The following KCNH8 variants were observed in gnomAD, a reference collection of about 807,000 sequenced individuals.
The protein encoded by KCNH8 is potassium voltage-gated channel subfamily H member 8, also known as voltage-gated delayed rectifier potassium channel KCNH8.
In KCNH8, 70 loss-of-function variants were observed where a neutral mutation model predicts 103.6. That is an observed-to-expected ratio of 0.68 (90% confidence interval 0.56 to 0.82). KCNH8 has a LOEUF of 0.82. Among genes scored for constraint, KCNH8 ranks in the 40% least tolerant of loss-of-function variants. The probability of loss-of-function intolerance (pLI) is 0.00; values close to 1 mark genes in which losing one functional copy is unlikely to be tolerated. For missense variants in KCNH8, 1,217 were observed against 1,329.9 expected, an observed-to-expected ratio of 0.92 and a Z score of 1.32; for synonymous variants, 498 against 489.4, an observed-to-expected ratio of 1.02 and a Z score of -0.23.
At chr3:19,204,450 G>T (rs932526578) in intron 1 of KCNH8, among the ~76,000 whole-genome samples, 1 of 151,952 alleles carries the variant, frequency 6.6e-6, no homozygotes, top group African/African-American at 2.4e-5. Flanking sequence ...GTGTCTGTGT[G>T]TGTGTGTTCT....
chr3:19,236,469 A>C (rs1575458233), intron 1 of KCNH8, among the ~76,000 whole-genome samples: 2 of 152,364 alleles, frequency 1.3e-5, no homozygotes, highest in Admixed American at 1.3e-4. Flanking sequence ...GGAAGTAAGA[A>C]GGAAAACCCT....
intron 1 of KCNH8, among the ~76,000 whole-genome samples, chr3:19,207,480 C>T (rs2063729119): frequency 1.3e-5 from 2 of 151,850 alleles, no homozygotes; most frequent in South Asian, 4.2e-4. Flanking sequence ...TAAAGTGGAT[C>T]TGTGGGCCTA....
At chr3:19,422,984 A>G (rs1324311876) in intron 7 of KCNH8, among the ~76,000 whole-genome samples, 1 of 152,142 alleles carries the variant, frequency 6.6e-6, no homozygotes, top group Non-Finnish European at 1.5e-5. Flanking sequence ...GAATTTTGCA[A>G]TATTCTGAAA....
At chr3:19,348,671 T>A (rs2065759970) in intron 5 of KCNH8, among the ~76,000 whole-genome samples, 2 of 152,042 alleles carry the variant, frequency 1.3e-5, no homozygotes, top group Admixed American at 1.3e-4. Flanking sequence ...AAGTCACAGA[T>A]TGACTCCCTG....
At chr3:19,211,093 C>T (rs1028112537) in intron 1 of KCNH8, among the ~76,000 whole-genome samples, 6 of 152,050 alleles carry the variant, frequency 3.9e-5, no homozygotes, top group Admixed American at 1.3e-4. Context: ...TTTCTACATA[C>T]GTTTATGCTT....
chr3:19,337,759 C>T (rs2065603308), intron 3 of KCNH8, among the ~76,000 whole-genome samples: 1 of 152,036 alleles, frequency 6.6e-6, no homozygotes, highest in African/African-American at 2.4e-5. Context: ...AAAACAGGCT[C>T]CTGAGTAATC....
intron 3 of KCNH8, among the ~76,000 whole-genome samples, chr3:19,290,843 T>C (rs2064910234): frequency 6.6e-6 from 1 of 152,220 alleles, no homozygotes; most frequent in East Asian, 1.9e-4. Flanking sequence ...TCTTTGTACC[T>C]GTGGTAGAAT....
At chr3:19,272,452 G>A (rs1392119750) in intron 2 of KCNH8, among the ~76,000 whole-genome samples, 1 of 152,112 alleles carries the variant, frequency 6.6e-6, no homozygotes, top group East Asian at 1.9e-4. Flanking sequence ...ATCAGCCAAA[G>A]TTTTCATGGG....
intron 7 of KCNH8, among the ~76,000 whole-genome samples, chr3:19,412,905 A>T (rs935313550): frequency 1.3e-5 from 2 of 151,916 alleles, no homozygotes; most frequent in African/African-American, 4.8e-5. Context: ...AGAAAAAGGA[A>T]CACGTTGGTG....
Position 19,183,503 on chromosome 3 carries a change from A to G in KCNH8, c.76+34708A>G, listed in dbSNP as rs80345090. On this transcript the variant is annotated intron_variant, in intron 1 of 15. Coordinates refer to ENST00000328405, the MANE Select transcript of KCNH8 (RefSeq NM_144633.3). The stretch of plus-strand genomic sequence containing the variant: ...ATAAAAACTGATATAGGGGAGAGTT[A>G]ACATTACAGATGAGTTGGGAAAAGA... Among the ~76,000 whole-genome samples the G allele has an allele frequency of 5.7e-3, 868 of 152,326 alleles. 12 individuals carry two copies. Among genetic ancestry groups the G allele is most frequent in the African/African-American group, 0.019 (782 of 41,580 alleles).
intron 11 of KCNH8, among the ~76,000 whole-genome samples, chr3:19,509,991 G>A (rs931526178): frequency 2.6e-5 from 2 of 76,870 alleles, no homozygotes; most frequent in Non-Finnish European, 4.7e-5. Context: ...AGAAGAATAG[G>A]GAGATAGAGG....
At chr3:19,451,022 A>G (rs2067439293) in intron 9 of KCNH8, 133 bp from the exon 10 acceptor site, 4 of 791,138 alleles carry the variant, frequency 5.1e-6, no homozygotes, top group Non-Finnish European at 8.4e-6. Flanking sequence ...ATACATACTT[A>G]GATTTCCTCT....
intron 11 of KCNH8, among the ~76,000 whole-genome samples, chr3:19,475,176 G>A: frequency 6.6e-6 from 1 of 152,092 alleles, no homozygotes; most frequent in African/African-American, 2.4e-5. Flanking sequence ...CTTCCAATGG[G>A]GTCACTTGTC....
At chr3:19,213,871 A>G (rs1345419620) in intron 1 of KCNH8, among the ~76,000 whole-genome samples, 2 of 152,192 alleles carry the variant, frequency 1.3e-5, no homozygotes, top group African/African-American at 2.4e-5. Flanking sequence ...AGTCTACTCC[A>G]GTATCAAGGT....
intron 11 of KCNH8, among the ~76,000 whole-genome samples, chr3:19,461,922 C>T (rs908754959): frequency 5.9e-5 from 9 of 151,936 alleles, no homozygotes; most frequent in Non-Finnish European, 1.2e-4. Context: ...ATAGTTTGCT[C>T]AGAATGATGG....
intron 3 of KCNH8, among the ~76,000 whole-genome samples, chr3:19,333,434 G>T (rs2065538765): frequency 6.6e-6 from 1 of 152,144 alleles, no homozygotes; most frequent in Non-Finnish European, 1.5e-5. Context: ...ATACAAAGCT[G>T]ACCAAATGTA....
chr3:19,350,321 T>A (rs2065782910), intron 5 of KCNH8, among the ~76,000 whole-genome samples: 2 of 152,072 alleles, frequency 1.3e-5, no homozygotes, highest in Admixed American at 6.6e-5. Flanking sequence ...TACCATTTAA[T>A]ATTTATTAAA....
At chr3:19,498,908 G>C (rs939991161) in intron 11 of KCNH8, among the ~76,000 whole-genome samples, 2 of 152,124 alleles carry the variant, frequency 1.3e-5, no homozygotes, top group African/African-American at 2.4e-5. Context: ...TCAGGGGTCA[G>C]GGACCCACTT....
At chr3:19,189,172 G>T (rs550281235) in intron 1 of KCNH8, among the ~76,000 whole-genome samples, 115 of 152,098 alleles carry the variant, frequency 7.6e-4, no homozygotes, top group Admixed American at 1.4e-3. Flanking sequence ...TCTCTGACAG[G>T]CCAGAAAGGT....
Sources: allele counts gnomAD v4.1 joint callset (sites outside exome capture counted in the v4.1 genomes callset), GRCh38; gene constraint gnomAD v4.1.1; transcripts MANE v1.5; gene names NCBI Gene and HGNC (gene_info 2026-07-23, HGNC 2026-07-21).